The following MFSD6 variants were observed in gnomAD, a reference collection of about 807,000 sequenced individuals.
MFSD6 encodes major facilitator superfamily domain containing 6, also known as major facilitator superfamily domain-containing protein 6.
A neutral mutation model predicts 56.3 loss-of-function variants in MFSD6; 26 were observed. That is an observed-to-expected ratio of 0.46 (90% CI 0.34 to 0.64). MFSD6 has a LOEUF of 0.64. Ranked by LOEUF, MFSD6 falls within the 30% of genes least tolerant of loss-of-function variation. The probability of loss-of-function intolerance (pLI) is 0.01; values close to 1 mark genes in which losing one functional copy is unlikely to be tolerated. For synonymous variants in MFSD6, 331 were observed against 366.9 expected (o/e 0.90, Z 1.12); for missense variants, 750 against 986.2 (o/e 0.76, Z 3.21).
chr2:190,492,137 C>T lies in MFSD6; in HGVS notation c.1891+2271C>T, dbSNP rs1327604377. 1.3e-5 allele frequency among the ~76,000 whole-genome samples: 2 copies of T among 152,038 alleles called. No individual in the cohort carries two copies. The highest frequency in any genetic ancestry group is 2.4e-5 in the African/African-American group (1 of 41,402). On this transcript the variant is annotated intron_variant, in intron 6 of 7. Transcript: ENST00000392328. The surrounding 1 kb of genome is among the most constrained non-coding windows in gnomAD (Gnocchi z 5.2). The stretch of plus-strand genomic sequence containing the variant: ...AAAGAATTTTAAAAAATGAACAAAG[C>T]CTCCAAGAAGTTTAGGATTATGTTA...
In MFSD6 at chr2:190,488,152, C is replaced by T. The variant is rs1020844974; in HGVS notation, c.1631-505C>T. 2.0e-5 allele frequency among the ~76,000 whole-genome samples: 3 copies of T among 152,218 alleles called. No homozygotes were observed. The highest frequency in any genetic ancestry group is 7.2e-5 in the African/African-American group (3 of 41,456). On this transcript the variant is annotated intron_variant, in intron 4 of 7. Transcript: ENST00000392328. The surrounding 1 kb of genome is among the most constrained non-coding windows in gnomAD (Gnocchi z 6.4). ...TCCTGACCTCGTGATCCACCCGCCTCGGCCTCCCAAAGTGCTGGGATTACA... is the reference window on the plus strand; with the variant it reads ...TCCTGACCTCGTGATCCACCCGCCTTGGCCTCCCAAAGTGCTGGGATTACA...
In MFSD6 at chr2:190,499,767, A is replaced by G. The variant is rs1689926464; in HGVS notation, c.2173-248A>G. 6.3e-6 allele frequency: 9 copies of G among 1,435,072 alleles called. No homozygotes were observed. The highest frequency in any genetic ancestry group is 8.4e-6 in the Non-Finnish European group (9 of 1,069,352). 88.9% of individuals were successfully genotyped at this position (1,435,072 alleles called of 1,614,324 possible). ...AAGTACTAACAGACATTTTGGTAGT[A>G]ATGTTCCTTTTTCCACAAGACACGT... On this transcript the variant is annotated intron_variant, in intron 7 of 7. Coordinates refer to ENST00000392328, the MANE Select transcript of MFSD6 (RefSeq NM_017694.4). The surrounding 1 kb of genome is among the most constrained non-coding windows in gnomAD (Gnocchi z 6.0).
rs1175777075 is a variant in MFSD6, at chr2:190,423,799, C to T, written c.-54+8386C>T. ...GTAGTTGTGCCTCCTTATCAGAATT[C>T]AGTGTTATCCCTATTTTTATTTTAA... On this transcript the variant is annotated intron_variant, in intron 2 of 7. Transcript: ENST00000392328. The surrounding 1 kb of genome is among the most constrained non-coding windows in gnomAD (Gnocchi z 4.3). Among the ~76,000 whole-genome samples the T allele has an allele frequency of 6.6e-6, 1 of 152,186 alleles. No individual in the cohort carries two copies. Among genetic ancestry groups the T allele is most frequent in the African/African-American group, 2.4e-5 (1 of 41,442 alleles).
intron 2 of MFSD6, among the ~76,000 whole-genome samples, chr2:190,422,820 T>C (rs1394412949): frequency 1.3e-5 from 2 of 152,202 alleles, no homozygotes; most frequent in Non-Finnish European, 2.9e-5. Flanking sequence ...CTTGGAGTTA[T>C]TATTTTCTAG....
In MFSD6 at chr2:190,418,539, T is replaced by G. The variant is rs1242595490; in HGVS notation, c.-54+3126T>G. Reference sequence around the variant, plus strand: ...AGGAGGCTGAGGCAAATGGATCACTTGAGCCCAGGAGTTCAAGACCAGCCT... The same window carrying G: ...AGGAGGCTGAGGCAAATGGATCACTGGAGCCCAGGAGTTCAAGACCAGCCT... On this transcript the variant is annotated intron_variant, in intron 2 of 7. Transcript: ENST00000392328. This position sits in a 1 kb window ranked among gnomAD's most constrained non-coding sequence, Gnocchi z 4.1. Among the ~76,000 whole-genome samples, 1 of 152,042 alleles carries G rather than the reference T, an allele frequency of 6.6e-6. No homozygotes were observed. The highest frequency in any genetic ancestry group is 1.5e-5 in the Non-Finnish European group (1 of 68,016).
Position 190,436,732 on chromosome 2 carries a change from A to C in MFSD6, c.703A>C (p.Asn235His), listed in dbSNP as rs531748604. 13 of 1,614,220 alleles carry C rather than the reference A, an allele frequency of 8.1e-6. No individual in the cohort carries two copies. In the South Asian group the frequency reaches 1.4e-4, roughly 18 times the overall value. ...GCAGCCCCAGACAGGTGAAATTACT[A>C]ACCGTATGATGGACTTGACTTTGAA... ...TLQPQTGEIT[N>H]RMMDLTLNSS... Residue 235 changes from asparagine (N) to histidine (H), a missense_variant, in exon 3 of 8, where the codon AAC (asparagine) becomes CAC (histidine). By Grantham distance (68) the Asn-to-His change is moderately conservative. This residue lies in a region of MFSD6 where 376 missense variants were observed against 437.9 expected (regional missense o/e 0.86). Transcript: ENST00000392328. The surrounding 1 kb of genome is among the most constrained non-coding windows in gnomAD (Gnocchi z 5.3).
In MFSD6 at chr2:190,457,003, C is replaced by T. The variant is rs985048463; in HGVS notation, c.1533-12755C>T. 2.6e-5 allele frequency among the ~76,000 whole-genome samples: 4 copies of T among 152,196 alleles called. No individual in the cohort carries two copies. The highest frequency in any genetic ancestry group is 4.8e-5 in the African/African-American group (2 of 41,442). On this transcript the variant is annotated intron_variant, in intron 3 of 7. Transcript: ENST00000392328. The surrounding 1 kb of genome is among the most constrained non-coding windows in gnomAD (Gnocchi z 5.1). ...GTCTTCTGATGCCAACATAAACGTTCATCCAGCTTCCTTAATCCGCGCGCA... is the reference window on the plus strand; with the variant it reads ...GTCTTCTGATGCCAACATAAACGTTTATCCAGCTTCCTTAATCCGCGCGCA...
intron 2 of MFSD6, among the ~76,000 whole-genome samples, chr2:190,421,104 G>T (rs772817896): frequency 6.6e-6 from 1 of 152,158 alleles, no homozygotes; most frequent in Non-Finnish European, 1.5e-5. Context: ...ACTCATCAAG[G>T]TTTACATCAA....
In MFSD6 at chr2:190,471,451, C is replaced by T. The variant is rs942571315; in HGVS notation, c.1630+1596C>T. Reference sequence around the variant, plus strand: ...GCACACTAGGAGATTATATCCCGCACCTGGCTTGGAGGGTCCTACGCCCAC... The same window carrying T: ...GCACACTAGGAGATTATATCCCGCATCTGGCTTGGAGGGTCCTACGCCCAC... On this transcript the variant is annotated intron_variant, in intron 4 of 7. Coordinates refer to ENST00000392328, the MANE Select transcript of MFSD6 (RefSeq NM_017694.4). This position sits in a 1 kb window ranked among gnomAD's most constrained non-coding sequence, Gnocchi z 4.7. Among the ~76,000 whole-genome samples, 1 of 152,202 alleles carries T rather than the reference C, an allele frequency of 6.6e-6. No individual in the cohort carries two copies. The highest frequency in any genetic ancestry group is 2.4e-5 in the African/African-American group (1 of 41,446).
intron 3 of MFSD6, among the ~76,000 whole-genome samples, chr2:190,452,469 C>T (rs1460607417): frequency 6.6e-6 from 1 of 152,070 alleles, no homozygotes; most frequent in African/African-American, 2.4e-5. Context: ...TTGTTATGTC[C>T]ATTTTAGAGA....
rs762836527 is a variant in MFSD6 at position 190,437,288 on chromosome 2, C to G, written c.1259C>G (p.Ser420Cys). ...GAAAGGAACAACTCTACAGAGTCCTCTGAGGAGACACCAACCACCACAAGC... is the reference window on the plus strand; with the variant it reads ...GAAAGGAACAACTCTACAGAGTCCTGTGAGGAGACACCAACCACCACAAGC... ...QVERNNSTES[S>C]EETPTTTSHS... Residue 420 changes from serine (S) to cysteine (C), a missense_variant, in exon 3 of 8, where the codon TCT becomes TGT. Around this residue, in one of 5 missense-constraint regions of MFSD6, gnomAD observed 376 missense variants for 437.9 expected, o/e 0.86. Coordinates refer to ENST00000392328, the MANE Select transcript of MFSD6 (RefSeq NM_017694.4). This position sits in a 1 kb window ranked among gnomAD's most constrained non-coding sequence, Gnocchi z 5.9. 1 of 1,614,212 alleles carries G rather than the reference C, an allele frequency of 6.2e-7. No homozygotes were observed. The highest frequency in any genetic ancestry group is 2.2e-5 in the East Asian group (1 of 44,890).
chr2:190,419,200 C>G (rs1559102125), intron 2 of MFSD6, among the ~76,000 whole-genome samples: 1 of 152,136 alleles, frequency 6.6e-6, no homozygotes. Context: ...GGAAAAAGCT[C>G]TATCCTGGAA....
chr2:190,427,416 G>A (rs1248189149), intron 2 of MFSD6, among the ~76,000 whole-genome samples: 1 of 152,226 alleles, frequency 6.6e-6, no homozygotes, highest in Non-Finnish European at 1.5e-5. Context: ...TGCAGTCGAA[G>A]TTATTATCTA....
chr2:190,411,497 A>T lies in MFSD6; in HGVS notation c.-176+2994A>T. The T allele has an allele frequency of 6.1e-6, 6 of 985,384 alleles. 1 individual carries two copies. The highest frequency in any genetic ancestry group is 7.2e-6 in the Non-Finnish European group (6 of 829,918). 61.0% of individuals were successfully genotyped at this position (985,384 alleles called of 1,614,324 possible). On this transcript the variant is annotated intron_variant, in intron 1 of 7. Coordinates refer to ENST00000392328, the MANE Select transcript of MFSD6 (RefSeq NM_017694.4). ...TCAGGAAGTGAGACAAGATGGAGAA[A>T]AGAGGATGTTTTTGCTTTTTACCTT...
chr2:190,409,997 A>G lies in MFSD6; in HGVS notation c.-176+1494A>G, dbSNP rs939847654. ...ATCACTTCAATAATGCATTAAAGCT[A>G]CTAAGTAGTTGTGTGTCCTTCATGT... is the stretch of plus-strand genomic sequence containing the variant. On this transcript the variant is annotated intron_variant, in intron 1 of 7. Coordinates refer to ENST00000392328, the MANE Select transcript of MFSD6 (RefSeq NM_017694.4). Among the ~76,000 whole-genome samples, 8 of 152,340 alleles carry G rather than the reference A, an allele frequency of 5.3e-5. No homozygotes were observed. In the East Asian group the frequency reaches 1.3e-3, roughly 26 times the overall value.
Position 190,487,634 on chromosome 2 carries a change from TA to T in MFSD6, c.1631-1020del, listed in dbSNP as rs1689087438. Among the ~76,000 whole-genome samples, 1 of 152,146 alleles carries T rather than the reference TA, an allele frequency of 6.6e-6. No individual in the cohort carries two copies. Among genetic ancestry groups the T allele is most frequent in the African/African-American group, 2.4e-5 (1 of 41,436 alleles). ...CTTCAAAGAAGATATAGATGGCCAA[TA>T]AACACCTAAAAGGTGCTCGACATCA... On this transcript the variant is annotated intron_variant, in intron 4 of 7. Coordinates refer to ENST00000392328, the MANE Select transcript of MFSD6 (RefSeq NM_017694.4). The surrounding 1 kb of genome is among the most constrained non-coding windows in gnomAD (Gnocchi z 5.5).
rs1332207632 is a variant in MFSD6 at position 190,467,097 on chromosome 2, A to G, written c.1533-2661A>G. The stretch of plus-strand genomic sequence containing the variant: ...GGATAGACAATTTGTGAACACTAGG[A>G]AAGTGGATTACCAACATTGTTTTAT... On this transcript the variant is annotated intron_variant, in intron 3 of 7. Coordinates refer to ENST00000392328, the MANE Select transcript of MFSD6 (RefSeq NM_017694.4). This position sits in a 1 kb window ranked among gnomAD's most constrained non-coding sequence, Gnocchi z 5.5. Among the ~76,000 whole-genome samples the G allele has an allele frequency of 1.3e-5, 2 of 152,232 alleles. No individual in the cohort carries two copies. Among genetic ancestry groups the G allele is most frequent in the African/African-American group, 4.8e-5 (2 of 41,464 alleles).
chr2:190,421,658 T>C (rs6751731), intron 2 of MFSD6, among the ~76,000 whole-genome samples: 151,549 of 152,154 alleles, frequency 1, 75,476 homozygotes, highest in Middle Eastern at 1. Context: ...CATAGCTCAC[T>C]GTCCTGGGCA....
In MFSD6 at chr2:190,482,903, T is replaced by TTTTTTTTTTTTTTTTTTTTTTG. The variant is rs544591315; in HGVS notation, c.1631-5754_1631-5753insTTTTTTTTTTTTTTTTTTTTTG. 5.3e-4 allele frequency among the ~76,000 whole-genome samples: 46 copies of TTTTTTTTTTTTTTTTTTTTTTG among 86,248 alleles called. 19 individuals carry two copies. The highest frequency in any genetic ancestry group is 6.7e-4 in the Non-Finnish European group (31 of 46,502). 56.6% of individuals were successfully genotyped at this position (86,248 alleles called of 152,430 possible). Reference sequence around the variant, plus strand: ...TTTTTTTTTTTTTTTTTTTTTTTTTTAGACGGAGTCTCACTCTGTCGCCCA... The same window carrying TTTTTTTTTTTTTTTTTTTTTTG: ...TTTTTTTTTTTTTTTTTTTTTTTTTTTTTTTTTTTTTTTTTTTTTTTGAGACGGAGTCTCACTCTGTCGCCCA... On this transcript the variant is annotated intron_variant, in intron 4 of 7. Transcript: ENST00000392328.
Sources: gnomAD v4.1 joint callset for allele counts (sites outside exome capture counted in the v4.1 genomes callset) on GRCh38, gnomAD v4.1.1 for gene constraint, gnomAD v4.1.1 regional missense constraint, Gnocchi (gnomAD v3.1) non-coding constraint, MANE v1.5 for transcripts, NCBI Gene and HGNC (gene_info 2026-07-23, HGNC 2026-07-21) for gene names.